EPHA5: variants seen among roughly 807,000 people sequenced by gnomAD.
The protein encoded by EPHA5 is EPH receptor A5.
A neutral mutation model predicts 105.0 loss-of-function variants in EPHA5; 60 were observed. The ratio of observed to expected loss-of-function variants is 0.57; its 90% CI spans 0.46 to 0.71. The LOEUF (loss-of-function observed/expected upper bound fraction) is 0.71, where lower values mean the gene tolerates loss of function less well. Among genes scored for constraint, EPHA5 ranks in the 30% least tolerant of loss-of-function variants. The pLI, the probability that EPHA5 is intolerant of heterozygous loss-of-function variation, is 0.00. For synonymous variants in EPHA5, 513 were observed against 449.1 expected, an observed-to-expected ratio of 1.14 and a Z score of -1.80; for missense variants, 1,218 against 1,274.7, an observed-to-expected ratio of 0.96 and a Z score of 0.68.
chr4:65,355,482 A>C (rs1009668031), intron 11 of EPHA5, among the ~76,000 whole-genome samples: 4 of 151,608 alleles, frequency 2.6e-5, no homozygotes, highest in African/African-American at 2.4e-5. Flanking sequence ...CAAACTCTAA[A>C]ATAGACACAG....
chr4:65,431,685 C>T (rs1043763161), intron 5 of EPHA5, among the ~76,000 whole-genome samples: 24 of 152,092 alleles, frequency 1.6e-4, no homozygotes, highest in African/African-American at 2.2e-4. Context: ...TTCCACGTGT[C>T]CTGGCCAGTG....
chr4:65,375,991 A>G (rs189517998), intron 8 of EPHA5, among the ~76,000 whole-genome samples: 8 of 151,986 alleles, frequency 5.3e-5, no homozygotes, highest in Admixed American at 5.3e-4. Flanking sequence ...TTGACAAAAT[A>G]TTTCTAAATT....
chr4:65,354,951 C>T (rs1252365809), intron 11 of EPHA5, among the ~76,000 whole-genome samples: 2 of 151,768 alleles, frequency 1.3e-5, no homozygotes, highest in Non-Finnish European at 2.9e-5. Flanking sequence ...ATTTCCTCGT[C>T]CTCTAAAGTT....
rs540092463 is a variant in EPHA5, at chr4:65,485,623, C to T, written c.1402+4754G>A. On this transcript the variant is annotated intron_variant, in intron 5 of 16. Transcript: ENST00000613740. ...TATACATTTATAAATCATTTAATCGCTTCTATAGACTATCAGCCTAATGCA... is the reference window on the plus strand; with the variant it reads ...TATACATTTATAAATCATTTAATCGTTTCTATAGACTATCAGCCTAATGCA... Among the ~76,000 whole-genome samples the T allele has an allele frequency of 5.3e-5, 8 of 152,140 alleles. No homozygotes were observed. In the East Asian group the frequency reaches 1.4e-3, roughly 26 times the overall value.
At position 65,387,903 on chromosome 4, in the gene EPHA5, G is replaced by A. The variant is rs1360550215; in HGVS notation, c.1793+16471C>T. Among the ~76,000 whole-genome samples, 4 of 149,282 alleles carry A rather than the reference G, an allele frequency of 2.7e-5. No homozygotes were observed. In the Admixed American group the frequency reaches 2.7e-4, roughly 10 times the overall value. ...ACATATGTATACATGAGCCATGCTG[G>A]TGTGCTGCACCCATTAACTTGTCAT... is the stretch of plus-strand genomic sequence containing the variant. On this transcript the variant is annotated intron_variant, in intron 8 of 16. Transcript: ENST00000613740.
chr4:65,549,399 T>C (rs760438402), intron 3 of EPHA5, among the ~76,000 whole-genome samples: 1 of 152,150 alleles, frequency 6.6e-6, no homozygotes, highest in Non-Finnish European at 1.5e-5. Flanking sequence ...GCAAGAATGA[T>C]GAATAATAAC....
intron 5 of EPHA5, among the ~76,000 whole-genome samples, chr4:65,429,450 C>T (rs561865328): frequency 5.4e-5 from 8 of 147,608 alleles, no homozygotes; most frequent in African/African-American, 1.9e-4. Flanking sequence ...TTTTGGCAAC[C>T]ACAGACTAAG....
In EPHA5 at chr4:65,348,141, A is replaced by G; in HGVS notation, c.2508T>C (p.Ser836=). ...TTCCATAACTCCAGACATCACTGGCAGAAGTAAACTTTCGGAAAGCTATTG... is the reference window on the plus strand; with the variant it reads ...TTCCATAACTCCAGACATCACTGGCGGAAGTAAACTTTCGGAAAGCTATTG... ...PEAIAFRKFT[S]ASDVWSYGIV... Residue 836 remains serine, a synonymous_variant, in exon 14 of 17, where the codon TCT becomes TCC. Transcript: ENST00000613740. The G allele has an allele frequency of 6.2e-7, 1 of 1,613,858 alleles. No homozygotes were observed. Among genetic ancestry groups the G allele is most frequent in the Non-Finnish European group, 8.5e-7 (1 of 1,179,852 alleles).
chr4:65,401,847 T>G (rs1351949572), intron 8 of EPHA5, among the ~76,000 whole-genome samples: 2 of 151,938 alleles, frequency 1.3e-5, no homozygotes, highest in Non-Finnish European at 2.9e-5. Flanking sequence ...ATACTAAAAT[T>G]TCATTGTTCT....
At chr4:65,637,179 A>C (rs906189339) in intron 2 of EPHA5, among the ~76,000 whole-genome samples, 1 of 151,702 alleles carries the variant, frequency 6.6e-6, no homozygotes, top group Admixed American at 6.6e-5. Context: ...AATTAAGGGG[A>C]AGTACTCAAA....
intron 11 of EPHA5, among the ~76,000 whole-genome samples, chr4:65,357,266 T>C (rs994939006): frequency 1.3e-5 from 2 of 151,450 alleles, no homozygotes; most frequent in Non-Finnish European, 3.0e-5. Context: ...AGGTTCAATA[T>C]ATTACTCGGG....
At chr4:65,588,589 C>T (rs1391155550) in intron 3 of EPHA5, among the ~76,000 whole-genome samples, 2 of 152,100 alleles carry the variant, frequency 1.3e-5, no homozygotes, top group Non-Finnish European at 2.9e-5. Flanking sequence ...TCTATGCTTC[C>T]TGAATGCTTA....
intron 7 of EPHA5, among the ~76,000 whole-genome samples, chr4:65,409,930 A>G (rs1025296537): frequency 6.6e-6 from 1 of 152,328 alleles, no homozygotes; most frequent in South Asian, 2.1e-4. Flanking sequence ...CAAGGATGTA[A>G]AGAAACCAGA....
chr4:65,544,941 G>GA (rs11306441), intron 3 of EPHA5, among the ~76,000 whole-genome samples: 10 of 145,262 alleles, frequency 6.9e-5, no homozygotes, highest in East Asian at 4.0e-4. Context: ...GATGAAGCTG[G>GA]AAAAAAAAAA....
intron 3 of EPHA5, chr4:65,573,933 A>G (rs1740516365): frequency 1.9e-6 from 3 of 1,603,016 alleles, no homozygotes; most frequent in Non-Finnish European, 2.6e-6. Flanking sequence ...TGGACGCCAC[A>G]GGGGCAAGAG....
chr4:65,610,320 T>A (rs1258301569), intron 2 of EPHA5, among the ~76,000 whole-genome samples: 1 of 151,940 alleles, frequency 6.6e-6, no homozygotes, highest in African/African-American at 2.4e-5. Context: ...AAACACTGAA[T>A]ACACAGGGAC....
chr4:65,413,298 T>C (rs1723087265), intron 7 of EPHA5, among the ~76,000 whole-genome samples: 1 of 152,140 alleles, frequency 6.6e-6, no homozygotes, highest in African/African-American at 2.4e-5. Context: ...CCCTTTTCTT[T>C]ATAAAATTCA....
At chr4:65,450,845 A>T (rs1285777056) in intron 5 of EPHA5, among the ~76,000 whole-genome samples, 3 of 152,174 alleles carry the variant, frequency 2.0e-5, no homozygotes, top group Non-Finnish European at 4.4e-5. Context: ...GTGGCAACTA[A>T]TTCATCAGTA....
intron 16 of EPHA5, chr4:65,331,595 A>T: frequency 9.4e-7 from 1 of 1,065,512 alleles, no homozygotes; most frequent in African/African-American, 1.6e-5. Context: ...CTTATGTAGG[A>T]CTAGCCACAC....
Sources: gnomAD v4.1 joint callset for allele counts (sites outside exome capture counted in the v4.1 genomes callset) on GRCh38, gnomAD v4.1.1 for gene constraint, MANE v1.5 for transcripts, NCBI Gene and HGNC (gene_info 2026-07-23, HGNC 2026-07-21) for gene names.